The following MOGAT2 variants were observed in gnomAD, a reference collection of about 807,000 sequenced individuals.
The protein encoded by MOGAT2 is monoacylglycerol O-acyltransferase 2.
In MOGAT2, 27 loss-of-function variants were observed where a neutral mutation model predicts 31.5. That is an observed-to-expected ratio of 0.86 (90% confidence interval 0.63 to 1.18). The LOEUF is 1.18. MOGAT2 is among the 50% of genes most tolerant of loss of function. The pLI is 0.00. For missense variants in MOGAT2, 436 were observed against 433.2 expected, an observed-to-expected ratio of 1.01 and a Z score of -0.06; for synonymous variants, 163 against 170.0, an observed-to-expected ratio of 0.96 and a Z score of 0.32.
Position 75,719,675 on chromosome 11 carries a change from A to G in MOGAT2, c.92-317A>G, listed in dbSNP as rs570684233. The G allele has an allele frequency of 8.5e-6, 3 of 354,514 alleles. No individual in the cohort carries two copies. The South Asian group carries it at 1.7e-4, about 21-fold the overall frequency. 22.0% of individuals were successfully genotyped at this position (354,514 alleles called of 1,614,324 possible). A position where few individuals can be genotyped will look rare whatever the true frequency, so the allele number is the denominator to read the frequency against. On this transcript the variant is annotated intron_variant, in intron 1 of 5. Coordinates refer to ENST00000198801, the MANE Select transcript of MOGAT2 (RefSeq NM_025098.4). ...ATTGAGCACTTAATGAGTACAAACA[A>G]CTCTCCTGGGGAGAAGGAGGACAGG...
At chr11:75,721,769 A>G (rs896674553) in intron 2 of MOGAT2, among the ~76,000 whole-genome samples, 1 of 152,144 alleles carries the variant, frequency 6.6e-6, no homozygotes, top group African/African-American at 2.4e-5. Flanking sequence ...TTCCTGTCCC[A>G]TCAGAAACAA....
At chr11:75,719,728 G>T (rs1944359885) in intron 1 of MOGAT2, 1 of 483,076 alleles carries the variant, frequency 2.1e-6, no homozygotes. Context: ...TAGGCGGCCT[G>T]GTGCAGTGGG....
At chr11:75,730,620 C>G (rs1944467945) in intron 5 of MOGAT2, among the ~76,000 whole-genome samples, 1 of 152,032 alleles carries the variant, frequency 6.6e-6, no homozygotes. Context: ...ACATTGAAAT[C>G]CAGCCACTGG....
chr11:75,720,067 G>A lies in MOGAT2; in HGVS notation c.167G>A (p.Trp56Ter). 2 of 1,614,204 alleles carry A rather than the reference G, an allele frequency of 1.2e-6. No individual in the cohort carries two copies. Among genetic ancestry groups the A allele is most frequent in the Non-Finnish European group, 1.7e-6 (2 of 1,180,042 alleles). ...CTCCTCACTGTCCTGTATGCGGCCT[G>A]GTGGTATCTGGACCGAGACAAGCCA... ...FWLLTVLYAA[W>*]WYLDRDKPRQ... Residue 56 changes from tryptophan to a stop codon, truncating the protein, a stop_gained, in exon 2 of 6, where the codon TGG (tryptophan) becomes TAG (stop). Coordinates refer to ENST00000198801, the MANE Select transcript of MOGAT2 (RefSeq NM_025098.4). LOFTEE classifies it high-confidence loss of function.
intron 5 of MOGAT2, chr11:75,730,872 G>A (rs977074997): frequency 9.0e-5 from 22 of 243,560 alleles, no homozygotes; most frequent in African/African-American, 2.3e-4. Context: ...CTGAGATTGC[G>A]CCACTGCACT....
chr11:75,719,846 C>T (rs557402530), intron 1 of MOGAT2, 146 bp from the exon 2 acceptor site: 34 of 753,570 alleles, frequency 4.5e-5, no homozygotes, highest in South Asian at 1.5e-4. Flanking sequence ...TTGAATGCCC[C>T]GGAAGCTGCT....
chr11:75,730,042 G>C (rs1467871169), intron 5 of MOGAT2, among the ~76,000 whole-genome samples: 1 of 152,204 alleles, frequency 6.6e-6, no homozygotes, highest in Non-Finnish European at 1.5e-5. Flanking sequence ...ACCACGCCTG[G>C]CCTCCGACAG....
chr11:75,719,780 G>A lies in MOGAT2; in HGVS notation c.92-212G>A, dbSNP rs569871153. The A allele has an allele frequency of 6.0e-4, 334 of 553,564 alleles. 6 individuals are homozygous for A. In the South Asian group the frequency reaches 8.0e-3, roughly 13 times the overall value. The allele number at this position is 553,564 out of a possible 1,614,324, so 34.3% of individuals were successfully genotyped here. ...AGTTAGGCCTACCTAGGCTCAACGC[G>A]TGCTCCCAGTGACACTGGGCTGGCC... On this transcript the variant is annotated intron_variant, in intron 1 of 5. Coordinates refer to ENST00000198801, the MANE Select transcript of MOGAT2 (RefSeq NM_025098.4).
chr11:75,720,148 T>G lies in MOGAT2; in HGVS notation c.248T>G (p.Met83Arg). The change falls in exon 2 of 6, where the codon ATG becomes AGG. Residue 83 changes from methionine to arginine, a missense_variant. Physicochemically the swap from Met to Arg is moderately conservative, Grantham distance 91. Coordinates refer to ENST00000198801, the MANE Select transcript of MOGAT2 (RefSeq NM_025098.4). ...AIRCWTIWKY[M>R]KDYFPISLVK... ...AGGTGCTGGACTATATGGAAGTACATGAAGGACTATTTCCCCATCTCGGTG... is the reference window on the plus strand; with the variant it reads ...AGGTGCTGGACTATATGGAAGTACAGGAAGGACTATTTCCCCATCTCGGTG... 6.2e-7 allele frequency: 1 copy of G among 1,613,402 alleles called. No individual in the cohort carries two copies. Among genetic ancestry groups the G allele is most frequent in the Non-Finnish European group, 8.5e-7 (1 of 1,179,700 alleles).
intron 1 of MOGAT2, chr11:75,719,766 C>T (rs2135730458): frequency 1.9e-6 from 1 of 536,930 alleles, no homozygotes; most frequent in South Asian, 2.8e-5. Flanking sequence ...GTTAGGCCTA[C>T]CTAGGCTCAA....
intron 2 of MOGAT2, among the ~76,000 whole-genome samples, chr11:75,722,617 A>T (rs1944385323): frequency 6.6e-6 from 1 of 152,200 alleles, no homozygotes; most frequent in South Asian, 2.1e-4. Context: ...CCTGCAGAGG[A>T]GGCTGGGGAG....
chr11:75,731,294 G>T lies in MOGAT2; in HGVS notation c.*8G>T. 1.2e-6 allele frequency: 2 copies of T among 1,613,420 alleles called. No individual in the cohort carries two copies. The highest frequency in any genetic ancestry group is 2.2e-5 in the South Asian group (2 of 91,020). On this transcript the variant is annotated 3_prime_UTR_variant, in exon 6 of 6. Transcript: ENST00000198801. ...CACTTGGAGTTCTGCTGAGCCCAAA[G>T]GGCAGGGCCAACATTAGGGAGCCCA...
intron 2 of MOGAT2, among the ~76,000 whole-genome samples, chr11:75,723,576 C>CAT (rs1451952591): frequency 7.9e-5 from 12 of 152,016 alleles, no homozygotes; most frequent in Non-Finnish European, 7.4e-5. Context: ...ACTACAGACA[C>CAT]GCACCACCAC....
At chr11:75,723,225 A>G (rs1944392597) in intron 2 of MOGAT2, among the ~76,000 whole-genome samples, 1 of 152,042 alleles carries the variant, frequency 6.6e-6, no homozygotes, top group African/African-American at 2.4e-5. Flanking sequence ...TGCTGGGATT[A>G]CAGGTGTCAG....
At position 75,717,926 on chromosome 11, in the gene MOGAT2, G is replaced by T. The variant is rs34643721; in HGVS notation, c.38G>T (p.Arg13Leu). The change falls in exon 1 of 6, where the codon CGC becomes CTC. Residue 13 changes from arginine (R) to leucine (L), a missense_variant. Physicochemically the swap from Arg to Leu is moderately radical, Grantham distance 102 (BLOSUM62 -2). Transcript: ENST00000198801. ...GCGCCCTTGTTTATGCCGTGGGAGC[G>T]CAGGCTGCAGACACTTGCTGTCCTA... is the stretch of plus-strand genomic sequence containing the variant. The part of the protein sequence containing the change: ...EFAPLFMPWE[R>L]RLQTLAVLQF... 1.2e-6 allele frequency: 2 copies of T among 1,614,052 alleles called. No homozygotes were observed. The highest frequency in any genetic ancestry group is 1.3e-5 in the African/African-American group (1 of 74,938).
At position 75,717,980 on chromosome 11, in the gene MOGAT2, G is replaced by A; in HGVS notation, c.91+1G>A. 6.2e-7 allele frequency: 1 copy of A among 1,614,126 alleles called. No individual in the cohort carries two copies. The highest frequency in any genetic ancestry group is 1.1e-5 in the South Asian group (1 of 91,052). On this transcript the variant is annotated splice_donor_variant, in intron 1 of 5. Transcript: ENST00000198801. LOFTEE classifies it high-confidence loss of function. ...TTTGTCTTCTCCTTCTTGGCACTGG[G>A]TAAGTTGGGCTGCACTGTAAGACGG... is the stretch of plus-strand genomic sequence containing the variant.
At chr11:75,724,225 C>T (rs1201798394) in intron 2 of MOGAT2, among the ~76,000 whole-genome samples, 1 of 152,218 alleles carries the variant, frequency 6.6e-6, no homozygotes, top group East Asian at 1.9e-4. Context: ...ATCCATTGGG[C>T]TCATTCCTTC....
At chr11:75,725,547 C>CATAAATAAATAAATAA (rs56400236) in intron 2 of MOGAT2, among the ~76,000 whole-genome samples, 1,684 of 146,568 alleles carry the variant, frequency 0.011, 31 homozygotes, top group African/African-American at 0.037. Context: ...GACTCTGTCT[C>CATAAATAAATAAATAA]ATAAATAAAT....
intron 5 of MOGAT2, 199 bp from the exon 6 acceptor site, chr11:75,730,933 A>G (rs1201132369): frequency 9.9e-6 from 4 of 405,946 alleles, no homozygotes; most frequent in Non-Finnish European, 1.7e-5. Context: ...AAAAAAAGAA[A>G]AGAAAAGAAA....
Sources: gnomAD v4.1 joint callset for allele counts (sites outside exome capture counted in the v4.1 genomes callset) on GRCh38, gnomAD v4.1.1 for gene constraint, MANE v1.5 for transcripts, NCBI Gene and HGNC (gene_info 2026-07-23, HGNC 2026-07-21) for gene names.